Variants in NKAIN3 observed in about 807,000 individuals in gnomAD.
NKAIN3 encodes sodium/potassium transporting ATPase interacting 3.
Under a neutral mutation model 30.2 loss-of-function variants are expected in NKAIN3, and 25 were observed. That is an observed-to-expected ratio of 0.83 (90% CI 0.60 to 1.16). The LOEUF (loss-of-function observed/expected upper bound fraction) is 1.16. Among genes scored for constraint, NKAIN3 ranks in the 50% most tolerant of loss-of-function variants. NKAIN3 has a pLI of 0.00. For missense variants in NKAIN3, 225 were observed against 254.1 expected, an observed-to-expected ratio of 0.89 and a Z score of 0.78; for synonymous variants, 91 against 89.6, an observed-to-expected ratio of 1.02 and a Z score of -0.09.
At chr8:62,358,997 C>T (rs911450782) in intron 1 of NKAIN3, among the ~76,000 whole-genome samples, 8 of 152,166 alleles carry the variant, frequency 5.3e-5, no homozygotes, top group Non-Finnish European at 1.2e-4. Flanking sequence ...CTGGCTAACA[C>T]GGTGAAACCC....
At chr8:62,608,536 G>A (rs11988063) in intron 3 of NKAIN3, among the ~76,000 whole-genome samples, 48,401 of 152,024 alleles carry the variant, frequency 0.32, 8,625 homozygotes, top group South Asian at 0.5. Context: ...TATGGCAAAC[G>A]ATACTCTTGC....
chr8:62,954,563 TA>T (rs1236745267), intron 6 of NKAIN3, among the ~76,000 whole-genome samples: 1 of 152,172 alleles, frequency 6.6e-6, no homozygotes, highest in Non-Finnish European at 1.5e-5. Context: ...CAAAACCACC[TA>T]AAACTGGTGA....
chr8:62,383,922 G>T (rs61318422), intron 1 of NKAIN3, among the ~76,000 whole-genome samples: 20,580 of 149,534 alleles, frequency 0.14, 1,670 homozygotes, highest in East Asian at 0.4. Flanking sequence ...CTGGATTTAT[G>T]TATCTTGAAA....
chr8:62,548,814 T>G (rs939671064), intron 1 of NKAIN3, among the ~76,000 whole-genome samples: 20 of 151,090 alleles, frequency 1.3e-4, no homozygotes, highest in African/African-American at 4.8e-4. Context: ...AAAATATATA[T>G]ATGATGAACA....
At chr8:62,883,219 T>G (rs1821040895) in intron 4 of NKAIN3, among the ~76,000 whole-genome samples, 1 of 152,136 alleles carries the variant, frequency 6.6e-6, no homozygotes, top group Non-Finnish European at 1.5e-5. Context: ...TATTATTTAG[T>G]CTTTTGATTT....
intron 4 of NKAIN3, among the ~76,000 whole-genome samples, chr8:62,848,023 A>G (rs1416543965): frequency 2.0e-5 from 3 of 151,960 alleles, no homozygotes; most frequent in African/African-American, 7.2e-5. Flanking sequence ...TCTCTATTGT[A>G]TTCCATTGGT....
intron 4 of NKAIN3, among the ~76,000 whole-genome samples, chr8:62,797,749 C>T (rs1817908279): frequency 6.6e-6 from 1 of 152,156 alleles, no homozygotes; most frequent in South Asian, 2.1e-4. Flanking sequence ...CTCAGTGACT[C>T]AGAATGTGAC....
intron 3 of NKAIN3, among the ~76,000 whole-genome samples, chr8:62,593,927 G>T (rs1022188484): frequency 1.3e-5 from 2 of 152,066 alleles, no homozygotes. Flanking sequence ...TCCTCAGTGG[G>T]GGTCTGTTCA....
intron 4 of NKAIN3, among the ~76,000 whole-genome samples, chr8:62,837,348 C>T (rs1819396444): frequency 6.6e-6 from 1 of 152,068 alleles, no homozygotes; most frequent in Non-Finnish European, 1.5e-5. Flanking sequence ...ACTGCTGAAC[C>T]ATAGTTTGGA....
chr8:62,655,466 A>T (rs778405418), intron 3 of NKAIN3, among the ~76,000 whole-genome samples: 18 of 152,264 alleles, frequency 1.2e-4, no homozygotes, highest in Middle Eastern at 3.4e-3. Flanking sequence ...GGTAGTGCAA[A>T]TAAGGTATTA....
downstream of NKAIN3, among the ~76,000 whole-genome samples, chr8:62,986,940 T>C (rs1003213628): frequency 3.9e-5 from 6 of 152,258 alleles, no homozygotes; most frequent in Admixed American, 3.9e-4. Flanking sequence ...CGTGTTTTTT[T>C]CTTGCTCTTA....
At chr8:62,475,584 C>G (rs977490416) in intron 1 of NKAIN3, among the ~76,000 whole-genome samples, 2 of 152,036 alleles carry the variant, frequency 1.3e-5, no homozygotes, top group South Asian at 4.1e-4. Flanking sequence ...TTTCATCATC[C>G]CTAAAGAAAG....
rs576677650 is a variant in NKAIN3 at position 62,870,651 on chromosome 8, ATATC to A, written c.472-47799_472-47796del. On this transcript the variant is annotated intron_variant, in intron 4 of 6. Coordinates refer to ENST00000623646, the MANE Select transcript of NKAIN3 (RefSeq NM_001304533.3). ...TAAACTCTATTTTATATATATATCT[ATATC>A]TAGATATATATAGATATCTATATAT... Among the ~76,000 whole-genome samples, 369 of 115,076 alleles carry A rather than the reference ATATC, an allele frequency of 3.2e-3. 9 individuals are homozygous for A. Among genetic ancestry groups the A allele is most frequent in the African/African-American group, 0.012 (324 of 27,612 alleles). 75.5% of individuals were successfully genotyped at this position (115,076 alleles called of 152,430 possible). A position where few individuals can be genotyped will look rare whatever the true frequency, so the allele number is the denominator to read the frequency against.
chr8:62,920,508 C>T (rs1373481545), intron 5 of NKAIN3, among the ~76,000 whole-genome samples: 1 of 152,204 alleles, frequency 6.6e-6, no homozygotes, highest in Non-Finnish European at 1.5e-5. Context: ...ATGGATACTT[C>T]TGTTAACTTT....
At chr8:62,724,709 T>A (rs1815201266) in intron 3 of NKAIN3, among the ~76,000 whole-genome samples, 1 of 152,110 alleles carries the variant, frequency 6.6e-6, no homozygotes, top group Non-Finnish European at 1.5e-5. Flanking sequence ...AATGACAGGA[T>A]CTCATTCTTT....
intron 4 of NKAIN3, among the ~76,000 whole-genome samples, chr8:62,906,204 T>C (rs1048466228): frequency 2.6e-5 from 4 of 152,212 alleles, no homozygotes; most frequent in Admixed American, 1.3e-4. Context: ...CCAGCACCCA[T>C]GGAACAGTAA....
rs1337577007 is a variant in NKAIN3 at position 62,968,140 on chromosome 8, A to G, written c.*2733A>G. ...CACTCATCAGAAACAAGTTAGATTG[A>G]TCTGCCACCTCCTCTTCTCTCTTTT... is the stretch of plus-strand genomic sequence containing the variant. On this transcript the variant is annotated 3_prime_UTR_variant, in exon 7 of 7. Transcript: ENST00000623646. Among the ~76,000 whole-genome samples the G allele has an allele frequency of 1.3e-5, 2 of 152,304 alleles. No homozygotes were observed. Among genetic ancestry groups the G allele is most frequent in the African/African-American group, 4.8e-5 (2 of 41,570 alleles).
intron 1 of NKAIN3, among the ~76,000 whole-genome samples, chr8:62,506,548 C>T (rs1380893391): frequency 7.3e-6 from 1 of 137,794 alleles, no homozygotes; most frequent in Non-Finnish European, 1.5e-5. Context: ...GATCTCAGCT[C>T]TCTGCAACCT....
chr8:62,292,939 CT>C (rs952343392), intron 1 of NKAIN3, among the ~76,000 whole-genome samples: 15 of 151,570 alleles, frequency 9.9e-5, no homozygotes, highest in African/African-American at 3.6e-4. Context: ...TCTTTTTACT[CT>C]TTTTTTTTAA....
Sources: gnomAD v4.1 joint callset for allele counts (sites outside exome capture counted in the v4.1 genomes callset) on GRCh38, gnomAD v4.1.1 for gene constraint, MANE v1.5 for transcripts, NCBI Gene and HGNC (gene_info 2026-07-23, HGNC 2026-07-21) for gene names.